Variants in C11orf16 observed in about 807,000 individuals in gnomAD.
C11orf16 encodes the protein chromosome 11 open reading frame 16.
In C11orf16, 38 loss-of-function variants were observed where a neutral mutation model predicts 45.1. The ratio of observed to expected loss-of-function variants is 0.84; its 90% CI spans 0.65 to 1.10. The LOEUF (loss-of-function observed/expected upper bound fraction) is 1.10. Ranked by LOEUF, C11orf16 falls within the 50% of genes least tolerant of loss-of-function variation. The pLI is 0.00. For missense variants in C11orf16, 583 were observed against 569.5 expected (o/e 1.02, Z -0.24); for synonymous variants, 221 against 222.0 (o/e 1.00, Z 0.04).
intron 2 of C11orf16, among the ~76,000 whole-genome samples, chr11:8,929,821 C>T (rs1051107095): frequency 6.6e-6 from 1 of 152,172 alleles, no homozygotes; most frequent in African/African-American, 2.4e-5. Context: ...ATGCTTGTTC[C>T]TACACTAGAC....
intron 5 of C11orf16, among the ~76,000 whole-genome samples, chr11:8,924,584 G>A (rs1326194441): frequency 6.6e-6 from 1 of 152,130 alleles, no homozygotes; most frequent in African/African-American, 2.4e-5. Context: ...CAGTCCTTCT[G>A]GCTCAGTGGC....
intron 5 of C11orf16, among the ~76,000 whole-genome samples, chr11:8,924,503 G>A (rs899983919): frequency 1.3e-5 from 1 of 74,374 alleles, no homozygotes; most frequent in Non-Finnish European, 3.3e-5. Context: ...TCCAGCCTGG[G>A]CAACAGAGTG....
At chr11:8,930,922 C>A (rs1327807680) in intron 2 of C11orf16, among the ~76,000 whole-genome samples, 2 of 152,088 alleles carry the variant, frequency 1.3e-5, no homozygotes, top group Non-Finnish European at 2.9e-5. Context: ...CAGGATGGTC[C>A]ACCGGGTGGA....
chr11:8,927,802 A>G (rs2064624916), intron 3 of C11orf16: 2 of 292,432 alleles, frequency 6.8e-6, no homozygotes, highest in Non-Finnish European at 1.4e-5. Flanking sequence ...AAGAGAAATA[A>G]ACTCTGGTTA....
rs138030789 is a variant in C11orf16, at chr11:8,924,322, C to G, written c.1204+1141G>C. Reference sequence around the variant, plus strand: ...AGGCAGATCACTTAGGCCAGGGGTTCGAGACCTGCCTGGCCAACATGGCAA... The same window carrying G: ...AGGCAGATCACTTAGGCCAGGGGTTGGAGACCTGCCTGGCCAACATGGCAA... On this transcript the variant is annotated intron_variant, in intron 5 of 6. Transcript: ENST00000326053. 6.6e-3 allele frequency among the ~76,000 whole-genome samples: 998 copies of G among 152,216 alleles called. 13 individuals are homozygous for G. Among genetic ancestry groups the G allele is most frequent in the African/African-American group, 0.023 (952 of 41,544 alleles).
At chr11:8,920,938 T>G (rs910997514) in intron 6 of C11orf16, among the ~76,000 whole-genome samples, 7 of 152,184 alleles carry the variant, frequency 4.6e-5, no homozygotes, top group Non-Finnish European at 1.0e-4. Flanking sequence ...CACAAACCTT[T>G]CCTTGGGAAA....
chr11:8,927,744 C>T (rs2064624675), intron 3 of C11orf16: 1 of 435,378 alleles, frequency 2.3e-6, no homozygotes, highest in South Asian at 1.6e-5. Context: ...GAGAACAGTG[C>T]TGCAGCTACT....
intron 3 of C11orf16, among the ~76,000 whole-genome samples, chr11:8,928,266 T>C (rs1441060329): frequency 6.6e-6 from 1 of 152,046 alleles, no homozygotes; most frequent in East Asian, 1.9e-4. Flanking sequence ...TTTACACTAG[T>C]CTTCCCTTCA....
rs976813518 is a variant in C11orf16, at chr11:8,925,536, T to A, written c.1131A>T (p.Arg377Ser). The part of the protein sequence containing the change: ...TDPIFLEMPL[R>S]QSGLCQPEWR... Reference sequence around the variant, plus strand: ...ACTCAGGCTGGCAGAGGCCACTCTGTCTCAGAGGCATCTCAAGAAAGATGG... The same window carrying A: ...ACTCAGGCTGGCAGAGGCCACTCTGACTCAGAGGCATCTCAAGAAAGATGG... Residue 377 changes from arginine (R) to serine (S), a missense_variant, in exon 5 of 7, where the codon AGA becomes AGT. Arg to Ser is a moderately radical substitution (Grantham distance 110). Transcript: ENST00000326053. The A allele has an allele frequency of 6.2e-7, 1 of 1,614,210 alleles. No homozygotes were observed. Among genetic ancestry groups the A allele is most frequent in the Non-Finnish European group, 8.5e-7 (1 of 1,180,038 alleles).
At position 8,920,146 on chromosome 11, in the gene C11orf16, G is replaced by A. The variant is rs1361903433; in HGVS notation, c.*327C>T. On this transcript the variant is annotated 3_prime_UTR_variant, in exon 7 of 7. Transcript: ENST00000326053. The stretch of plus-strand genomic sequence containing the variant: ...ATGTACAACTAGGCTTTATGGGAAG[G>A]TGGCAGAGTGGCTGTGGACACATTT... 2.9e-6 allele frequency: 1 copy of A among 340,988 alleles called. No individual in the cohort carries two copies. Among genetic ancestry groups the A allele is most frequent in the Non-Finnish European group, 5.3e-6 (1 of 190,014 alleles). 21.1% of individuals were successfully genotyped at this position (340,988 alleles called of 1,614,324 possible). A position where few individuals can be genotyped will look rare whatever the true frequency, so the allele number is the denominator to read the frequency against.
chr11:8,924,398 C>T (rs185593862), intron 5 of C11orf16, among the ~76,000 whole-genome samples: 1 of 152,220 alleles, frequency 6.6e-6, no homozygotes, highest in East Asian at 1.9e-4. Context: ...TGGTGGCATG[C>T]ACCTATAATC....
chr11:8,920,448 T>C lies in C11orf16; in HGVS notation c.*25A>G, dbSNP rs1246334764. ...TCGAATATTTACCATGTTTATTCTTTACCTATAAAAGGGGGAAAAATTCCA... is the reference window on the plus strand; with the variant it reads ...TCGAATATTTACCATGTTTATTCTTCACCTATAAAAGGGGGAAAAATTCCA... On this transcript the variant is annotated splice_region_variant and 3_prime_UTR_variant, in exon 7 of 7. Coordinates refer to ENST00000326053, the MANE Select transcript of C11orf16 (RefSeq NM_020643.3). The C allele has an allele frequency of 3.0e-6, 2 of 675,658 alleles. No homozygotes were observed. The highest frequency in any genetic ancestry group is 5.4e-6 in the Non-Finnish European group (2 of 373,302). 41.9% of individuals were successfully genotyped at this position (675,658 alleles called of 1,614,324 possible).
At chr11:8,926,372 G>A (rs2064613489) in intron 4 of C11orf16, among the ~76,000 whole-genome samples, 1 of 151,794 alleles carries the variant, frequency 6.6e-6, no homozygotes. Context: ...CAGAGCTTCA[G>A]CCTGGCCCCG....
intron 3 of C11orf16, chr11:8,929,159 T>C (rs1342479893): frequency 4.3e-6 from 2 of 469,294 alleles, no homozygotes; most frequent in Non-Finnish European, 7.3e-6. Context: ...ATGACACATT[T>C]CTGTGGTTTA....
At chr11:8,920,730 A>G (rs1177707611) in intron 6 of C11orf16, among the ~76,000 whole-genome samples, 1 of 152,180 alleles carries the variant, frequency 6.6e-6, no homozygotes, top group Admixed American at 6.5e-5. Flanking sequence ...CAGGAGGCTC[A>G]GGTGGGCGGC....
chr11:8,927,198 A>G (rs762625632), intron 3 of C11orf16, 24 bp from the exon 4 acceptor site: 7 of 1,585,294 alleles, frequency 4.4e-6, no homozygotes, highest in Middle Eastern at 1.7e-4. Flanking sequence ...AACACTCAGA[A>G]TAAGACCTGG....
Position 8,925,973 on chromosome 11 carries a change from C to T in C11orf16, c.694G>A (p.Glu232Lys). ...GCCCAGTGAAGGGGCCTGGGGTGCT[C>T]CCTGGTGAAAGACTTGTGCAGCCTC... ...VERLHKSFTREHPRPLHWAPC... is the reference protein window; with the variant it reads ...VERLHKSFTRKHPRPLHWAPC... Residue 232 changes from glutamate to lysine, a missense_variant, in exon 5 of 7, where the codon GAG (glutamate) becomes AAG (lysine). By Grantham distance (56) the Glu-to-Lys change is moderately conservative. Coordinates refer to ENST00000326053, the MANE Select transcript of C11orf16 (RefSeq NM_020643.3). The T allele has an allele frequency of 6.2e-7, 1 of 1,614,100 alleles. No homozygotes were observed. Among genetic ancestry groups the T allele is most frequent in the South Asian group, 1.1e-5 (1 of 91,074 alleles).
chr11:8,923,405 G>T (rs182923171), intron 5 of C11orf16, among the ~76,000 whole-genome samples: 411 of 152,272 alleles, frequency 2.7e-3, no homozygotes, highest in Admixed American at 4.6e-3. Flanking sequence ...TGTTGGGTAG[G>T]TACAGCTCTT....
At chr11:8,923,856 C>T (rs2064591038) in intron 5 of C11orf16, among the ~76,000 whole-genome samples, 2 of 138,142 alleles carry the variant, frequency 1.4e-5, no homozygotes, top group Non-Finnish European at 3.2e-5. Context: ...CACCCCCCAC[C>T]CCCACCCCCC....
Sources: gnomAD v4.1 joint callset for allele counts (sites outside exome capture counted in the v4.1 genomes callset) on GRCh38, gnomAD v4.1.1 for gene constraint, MANE v1.5 for transcripts, NCBI Gene and HGNC (gene_info 2026-07-23, HGNC 2026-07-21) for gene names.